DLG2: variants seen among roughly 807,000 people sequenced by gnomAD.
The protein encoded by DLG2 is disks large homolog 2.
In DLG2, 45 loss-of-function variants were observed where a neutral mutation model predicts 132.5. The ratio of observed to expected loss-of-function variants is 0.34; its 90% confidence interval spans 0.27 to 0.44. DLG2 has a LOEUF of 0.44. DLG2 is among the 20% of genes least tolerant of loss of function. The pLI, the probability that DLG2 is intolerant of heterozygous loss-of-function variation, is 1.00. For missense variants in DLG2, 1,045 were observed against 1,196.9 expected (o/e 0.87, Z 1.87); for synonymous variants, 424 against 419.6 (o/e 1.01, Z -0.13).
At chr11:84,888,684 T>C (rs1334780294) in intron 6 of DLG2, among the ~76,000 whole-genome samples, 1 of 151,940 alleles carries the variant, frequency 6.6e-6, no homozygotes, top group Non-Finnish European at 1.5e-5. Context: ...AAAAAAAAAA[T>C]CTTTTCTTAT....
At chr11:83,845,081 T>C (rs2058356050) in intron 16 of DLG2, among the ~76,000 whole-genome samples, 1 of 151,996 alleles carries the variant, frequency 6.6e-6, no homozygotes, top group Non-Finnish European at 1.5e-5. Context: ...AGACTGTAGA[T>C]GGAAGGCCCA....
chr11:85,602,397 T>C (rs1367411123), intron 2 of DLG2, among the ~76,000 whole-genome samples: 1 of 152,128 alleles, frequency 6.6e-6, no homozygotes, highest in Non-Finnish European at 1.5e-5. Flanking sequence ...CTTTTTTTTC[T>C]TTTTTCTTTC....
At chr11:85,451,713 C>T (rs2092251577) in intron 3 of DLG2, among the ~76,000 whole-genome samples, 1 of 152,050 alleles carries the variant, frequency 6.6e-6, no homozygotes, top group Non-Finnish European at 1.5e-5. Flanking sequence ...CCACAGTAAG[C>T]CCCCAGTACA....
intron 5 of DLG2, among the ~76,000 whole-genome samples, chr11:85,120,129 C>T (rs2074125898): frequency 1.3e-5 from 2 of 151,952 alleles, no homozygotes; most frequent in Admixed American, 1.3e-4. Flanking sequence ...TTCTCAGTTA[C>T]CTAAAATCTT....
chr11:85,012,631 A>G (rs2059235666), intron 6 of DLG2, among the ~76,000 whole-genome samples: 1 of 152,144 alleles, frequency 6.6e-6, no homozygotes, highest in Non-Finnish European at 1.5e-5. Context: ...ATAATGAAAA[A>G]AATTATTTGC....
At chr11:84,792,892 G>A (rs935587113) in intron 6 of DLG2, among the ~76,000 whole-genome samples, 1 of 151,708 alleles carries the variant, frequency 6.6e-6, no homozygotes, top group Non-Finnish European at 1.5e-5. Flanking sequence ...CTTTTGCATT[G>A]TTTTCTTTGT....
At chr11:83,790,748 T>G (rs1177136823) in intron 17 of DLG2, 8 of 765,482 alleles carry the variant, frequency 1.0e-5, no homozygotes, top group Non-Finnish European at 1.9e-5. Context: ...CAAAGATCTC[T>G]GGGGCAACAA....
chr11:83,579,524 G>A (rs1191204117), intron 19 of DLG2, among the ~76,000 whole-genome samples: 8 of 151,802 alleles, frequency 5.3e-5, no homozygotes, highest in Admixed American at 3.3e-4. Context: ...TTTTATAGAC[G>A]TTTATTTTAC....
In DLG2 at chr11:84,744,916, A is replaced by AAG. The variant is rs1296530169; in HGVS notation, c.358-210186_358-210185insCT. Among the ~76,000 whole-genome samples, 852 of 150,988 alleles carry AAG rather than the reference A, an allele frequency of 5.6e-3. 4 individuals are homozygous for AAG. The highest frequency in any genetic ancestry group is 9.8e-3 in the Non-Finnish European group (660 of 67,598). On this transcript the variant is annotated intron_variant, in intron 6 of 27. Coordinates refer to ENST00000376104, the MANE Select transcript of DLG2 (RefSeq NM_001142699.3). ...AAAGGTCTAAAAAAAAAAAAAAAAA[A>AAG]AAAGAAACCTGGACAAATCACCTCC...
chr11:83,892,699 T>TAAAA (rs5793090), intron 15 of DLG2, among the ~76,000 whole-genome samples: 2 of 147,028 alleles, frequency 1.4e-5, no homozygotes, highest in African/African-American at 5.0e-5. Flanking sequence ...TGCAAAGAAT[T>TAAAA]AAAAAAAAAA....
In DLG2 at chr11:83,469,103, T is replaced by C. The variant is rs557623535; in HGVS notation, c.2619+98A>G. 45 of 846,920 alleles carry C rather than the reference T, an allele frequency of 5.3e-5. No individual in the cohort carries two copies. The Middle Eastern group carries it at 7.0e-4, about 13-fold the overall frequency. 52.5% of individuals were successfully genotyped at this position (846,920 alleles called of 1,614,324 possible). On this transcript the variant is annotated intron_variant, in intron 25 of 27. Coordinates refer to ENST00000376104, the MANE Select transcript of DLG2 (RefSeq NM_001142699.3). ...AAATTATTAAATCAAAATTTACAAT[T>C]GCAATCAAGAAAGAGTAATGACCAA...
intron 8 of DLG2, among the ~76,000 whole-genome samples, chr11:84,177,206 A>G (rs551411206): frequency 3.3e-5 from 5 of 152,208 alleles, no homozygotes; most frequent in African/African-American, 1.2e-4. Flanking sequence ...CTTGCTTGCC[A>G]AGTTTTCCCT....
At chr11:83,986,504 G>A (rs1053623386) in intron 11 of DLG2, among the ~76,000 whole-genome samples, 3 of 149,780 alleles carry the variant, frequency 2.0e-5, no homozygotes, top group Admixed American at 6.7e-5. Flanking sequence ...ATTGTGAATA[G>A]TGCCACAATA....
chr11:84,166,299 C>T (rs529538802), intron 8 of DLG2, among the ~76,000 whole-genome samples: 2 of 152,006 alleles, frequency 1.3e-5, no homozygotes, highest in South Asian at 2.1e-4. Context: ...GTCAGGAGAT[C>T]GATAACATCC....
intron 18 of DLG2, among the ~76,000 whole-genome samples, chr11:83,686,002 C>T (rs1278744987): frequency 6.6e-6 from 1 of 152,030 alleles, no homozygotes; most frequent in Non-Finnish European, 1.5e-5. Flanking sequence ...AAAATGTACC[C>T]TCTGTCTTTT....
intron 4 of DLG2, among the ~76,000 whole-genome samples, chr11:85,222,344 C>G (rs2074703205): frequency 6.6e-6 from 1 of 152,106 alleles, no homozygotes; most frequent in African/African-American, 2.4e-5. Flanking sequence ...TTAATTTATT[C>G]ATTCATTCAT....
intron 17 of DLG2, chr11:83,790,840 T>C (rs1566973936): frequency 2.7e-6 from 2 of 749,968 alleles, no homozygotes; most frequent in African/African-American, 1.7e-5. Flanking sequence ...ACTTCCATGG[T>C]AGAAGAACTG....
At chr11:84,196,489 A>T (rs1214975674) in intron 8 of DLG2, among the ~76,000 whole-genome samples, 2 of 152,218 alleles carry the variant, frequency 1.3e-5, no homozygotes, top group Non-Finnish European at 2.9e-5. Flanking sequence ...AATACTACTG[A>T]GGAATAATGG....
At position 83,922,590 on chromosome 11, in the gene DLG2, T is replaced by C. The variant is rs113349649; in HGVS notation, c.1496+7738A>G. Among the ~76,000 whole-genome samples, 747 of 152,314 alleles carry C rather than the reference T, an allele frequency of 4.9e-3. 3 individuals are homozygous for C. Among genetic ancestry groups the C allele is most frequent in the African/African-American group, 0.017 (704 of 41,570 alleles). Reference sequence around the variant, plus strand: ...GTAAGCATCTTCTTTCTTTTTCTAATGGTGCTGTTTCCCAGATTGAATCGT... The same window carrying C: ...GTAAGCATCTTCTTTCTTTTTCTAACGGTGCTGTTTCCCAGATTGAATCGT... On this transcript the variant is annotated intron_variant, in intron 15 of 27. Transcript: ENST00000376104.
Sources: allele counts gnomAD v4.1 joint callset (sites outside exome capture counted in the v4.1 genomes callset), GRCh38; gene constraint gnomAD v4.1.1; transcripts MANE v1.5; gene names NCBI Gene and HGNC (gene_info 2026-07-23, HGNC 2026-07-21).